PLXNA4: variants seen among roughly 807,000 people sequenced by gnomAD.
PLXNA4 encodes plexin A4.
PLXNA4 carries 44 observed loss-of-function variants against 191.8 expected under a neutral mutation model. The observed-to-expected ratio is 0.23, with a 90% CI of 0.18 to 0.29. The LOEUF (loss-of-function observed/expected upper bound fraction) is 0.29, where lower values mean the gene tolerates loss of function less well. PLXNA4 is among the 10% of genes least tolerant of loss of function. The pLI, the probability that PLXNA4 is intolerant of heterozygous loss-of-function variation, is 1.00. For missense variants in PLXNA4, 1,800 were observed against 2,488.8 expected, an observed-to-expected ratio of 0.72 and a Z score of 5.89; for synonymous variants, 1,082 against 1,009.5, an observed-to-expected ratio of 1.07 and a Z score of -1.36.
chr7:132,341,492 C>T (rs1473582082), intron 3 of PLXNA4, among the ~76,000 whole-genome samples: 1 of 152,122 alleles, frequency 6.6e-6, no homozygotes, highest in African/African-American at 2.4e-5. Flanking sequence ...GCATTAAAGC[C>T]CTTCCCAGAA....
chr7:132,295,717 T>C (rs1481413944), intron 4 of PLXNA4, among the ~76,000 whole-genome samples: 1 of 152,136 alleles, frequency 6.6e-6, no homozygotes, highest in Non-Finnish European at 1.5e-5. Context: ...CCAACCCAGA[T>C]GGACCATCTA....
intron 4 of PLXNA4, among the ~76,000 whole-genome samples, chr7:132,262,300 C>T (rs778613559): frequency 1.3e-5 from 2 of 152,204 alleles, no homozygotes; most frequent in Non-Finnish European, 1.5e-5. Flanking sequence ...GCTGCCACCC[C>T]TCTGCTCCCT....
intron 4 of PLXNA4, among the ~76,000 whole-genome samples, chr7:132,272,526 C>G (rs1047530545): frequency 8.5e-5 from 13 of 152,208 alleles, no homozygotes; most frequent in South Asian, 2.1e-4. Flanking sequence ...ATCTGTTTGA[C>G]AATCAAGTCT....
Position 132,198,652 on chromosome 7 carries a change from G to T in PLXNA4, c.2587-16C>A. The T allele has an allele frequency of 3.1e-6, 5 of 1,613,342 alleles. No homozygotes were observed. Among genetic ancestry groups the T allele is most frequent in the Non-Finnish European group, 4.2e-6 (5 of 1,179,748 alleles). ...CCGGGATTATCTGGAGGGAGGAAGA[G>T]AAATAATTAGACAAACACCAAGATA... On this transcript the variant is annotated splice_polypyrimidine_tract_variant and intron_variant, in intron 12 of 31. Transcript: ENST00000321063.
chr7:132,633,713 T>C (rs1585418749), intron 2 of PLXNA4, among the ~76,000 whole-genome samples: 2 of 152,248 alleles, frequency 1.3e-5, no homozygotes, highest in Middle Eastern at 3.4e-3. Context: ...TTCACGTTTT[T>C]CCCCCAGCTG....
chr7:132,198,901 C>G (rs1055959169), intron 12 of PLXNA4, among the ~76,000 whole-genome samples: 1 of 152,196 alleles, frequency 6.6e-6, no homozygotes, highest in Admixed American at 6.5e-5. Flanking sequence ...GAGGATGGAA[C>G]ATGACCAGCA....
At chr7:132,578,982 G>A (rs560146650), upstream of PLXNA4, among the ~76,000 whole-genome samples, 12 of 152,170 alleles carry the variant, frequency 7.9e-5, no homozygotes, top group Admixed American at 3.9e-4. Flanking sequence ...CATCCTTCCA[G>A]GGTGGAGGAA....
Position 132,228,350 on chromosome 7 carries a change from A to G in PLXNA4, c.1724T>C (p.Val575Ala). The change falls in exon 6 of 32, where the codon GTG (valine) becomes GCG (alanine). Residue 575 changes from valine (V) to alanine (A), a missense_variant. Around this residue, in one of 6 missense-constraint regions of PLXNA4, gnomAD observed 1,397 missense variants for 1,880.4 expected, o/e 0.74. Transcript: ENST00000321063. ...CCCAACCCCCACGACCCTTACCAGCACGTTGTACTGAGAGACGGAGATATT... is the reference window on the plus strand; with the variant it reads ...CCCAACCCCCACGACCCTTACCAGCGCGTTGTACTGAGAGACGGAGATATT... ...PNNISVSQYN[V>A]LLVLETYNVP... is the part of the protein sequence containing the mutation. 1 of 1,614,052 alleles carries G rather than the reference A, an allele frequency of 6.2e-7. No homozygotes were observed. Among genetic ancestry groups the G allele is most frequent in the South Asian group, 1.1e-5 (1 of 91,066 alleles).
intron 1 of PLXNA4, among the ~76,000 whole-genome samples, chr7:132,528,567 G>T (rs1479881436): frequency 6.6e-6 from 1 of 152,232 alleles, no homozygotes; most frequent in African/African-American, 2.4e-5. Context: ...CAAGCCTGAT[G>T]AATGGGACTG....
chr7:132,186,659 A>G (rs113626455), intron 15 of PLXNA4, among the ~76,000 whole-genome samples: 1,547 of 152,334 alleles, frequency 0.01, 19 homozygotes, highest in African/African-American at 0.035. Context: ...AATTTCTGAC[A>G]TAGAAAAATT....
At chr7:132,534,024 G>C (rs947429107) in intron 1 of PLXNA4, among the ~76,000 whole-genome samples, 14 of 152,206 alleles carry the variant, frequency 9.2e-5, no homozygotes, top group African/African-American at 3.4e-4. Context: ...CTGAGTGAAG[G>C]CTGAAGAAAG....
chr7:132,419,753 G>A (rs922800723), intron 3 of PLXNA4, among the ~76,000 whole-genome samples: 2 of 152,166 alleles, frequency 1.3e-5, no homozygotes, highest in Non-Finnish European at 2.9e-5. Flanking sequence ...AGCTTTGCAG[G>A]CCATATGGTC....
At chr7:132,332,361 G>T (rs1802621759) in intron 3 of PLXNA4, among the ~76,000 whole-genome samples, 1 of 152,142 alleles carries the variant, frequency 6.6e-6, no homozygotes, top group Non-Finnish European at 1.5e-5. Flanking sequence ...TGTGACTACT[G>T]GTCTTCATGG....
At chr7:132,385,768 T>G (rs1452199958) in intron 3 of PLXNA4, among the ~76,000 whole-genome samples, 2 of 152,206 alleles carry the variant, frequency 1.3e-5, no homozygotes, top group Non-Finnish European at 2.9e-5. Context: ...ACACACATTC[T>G]CAGTGACAAG....
intron 3 of PLXNA4, among the ~76,000 whole-genome samples, chr7:132,439,812 C>T (rs1795620183): frequency 6.6e-6 from 1 of 152,180 alleles, no homozygotes; most frequent in Non-Finnish European, 1.5e-5. Context: ...ACCCATGGTC[C>T]TCTAGGCCCT....
At chr7:132,228,582 C>A (rs555114679) in intron 5 of PLXNA4, 113 bp from the exon 6 acceptor site, 72 of 1,356,784 alleles carry the variant, frequency 5.3e-5, no homozygotes, top group South Asian at 2.0e-4. Flanking sequence ...AAACTCAATG[C>A]GCCCAGAGCT....
intron 4 of PLXNA4, among the ~76,000 whole-genome samples, chr7:132,281,114 TG>T (rs1800463058): frequency 6.6e-6 from 1 of 152,222 alleles, no homozygotes; most frequent in Non-Finnish European, 1.5e-5. Context: ...GTAAGAGTGA[TG>T]TGCTAGAATT....
chr7:132,559,181 T>G (rs1800924334), intron 1 of PLXNA4, among the ~76,000 whole-genome samples: 1 of 152,112 alleles, frequency 6.6e-6, no homozygotes, highest in Non-Finnish European at 1.5e-5. Context: ...GCTCCGTAAA[T>G]GTATTACATG....
intron 4 of PLXNA4, among the ~76,000 whole-genome samples, chr7:132,295,504 G>T (rs1055030084): frequency 6.6e-6 from 1 of 152,218 alleles, no homozygotes; most frequent in Non-Finnish European, 1.5e-5. Context: ...ATGGCTGAGG[G>T]AGACCCACCA....
Sources: allele counts gnomAD v4.1 joint callset (sites outside exome capture counted in the v4.1 genomes callset), GRCh38; gene constraint gnomAD v4.1.1; regional missense constraint gnomAD v4.1.1; transcripts MANE v1.5; gene names NCBI Gene and HGNC (gene_info 2026-07-23, HGNC 2026-07-21).